NEK1: variants seen among roughly 807,000 people sequenced by gnomAD.
NEK1 encodes the protein NIMA related kinase 1, also known as serine/threonine-protein kinase Nek1.
Under a neutral mutation model 182.1 loss-of-function variants are expected in NEK1, and 137 were observed. That is an observed-to-expected ratio of 0.75 (90% CI 0.65 to 0.87). The LOEUF is 0.87. NEK1 is among the 40% of genes least tolerant of loss of function. The pLI is 0.00. For synonymous variants in NEK1, 513 were observed against 492.2 expected, an observed-to-expected ratio of 1.04 and a Z score of -0.56; for missense variants, 1,391 against 1,494.4, an observed-to-expected ratio of 0.93 and a Z score of 1.14.
intron 18 of NEK1, among the ~76,000 whole-genome samples, chr4:169,551,976 AG>A (rs1395586090): frequency 1.3e-5 from 2 of 152,130 alleles, no homozygotes; most frequent in East Asian, 3.8e-4. Flanking sequence ...ATTCAGCAAA[AG>A]AAAGAGTATT....
At chr4:169,523,540 C>T (rs1481808924) in intron 19 of NEK1, among the ~76,000 whole-genome samples, 2 of 152,148 alleles carry the variant, frequency 1.3e-5, no homozygotes, top group African/African-American at 4.8e-5. Context: ...GGAACAGATT[C>T]TCCCTCAAAG....
intron 26 of NEK1, among the ~76,000 whole-genome samples, chr4:169,471,667 G>C (rs1377744199): frequency 1.3e-5 from 2 of 152,198 alleles, no homozygotes; most frequent in Admixed American, 6.5e-5. Context: ...TGAGAGATCT[G>C]TTCCTCTCTT....
chr4:169,583,541 A>T (rs534200561), intron 10 of NEK1, among the ~76,000 whole-genome samples: 1 of 152,300 alleles, frequency 6.6e-6, no homozygotes, highest in Non-Finnish European at 1.5e-5. Context: ...TTCTTTTCAT[A>T]TTATAAGTTT....
intron 19 of NEK1, among the ~76,000 whole-genome samples, chr4:169,534,938 G>GT (rs1758222245): frequency 6.6e-6 from 1 of 152,176 alleles, no homozygotes; most frequent in African/African-American, 2.4e-5. Flanking sequence ...AACTGCTATT[G>GT]TAATTATATT....
chr4:169,425,255 C>T (rs915950485), intron 30 of NEK1, among the ~76,000 whole-genome samples: 30 of 151,976 alleles, frequency 2.0e-4, no homozygotes, highest in African/African-American at 6.0e-4. Flanking sequence ...AGTGAGACTA[C>T]GTCTCCACAA....
chr4:169,524,833 T>C (rs1029092291), intron 19 of NEK1, among the ~76,000 whole-genome samples: 25 of 152,372 alleles, frequency 1.6e-4, no homozygotes, highest in Admixed American at 7.8e-4. Context: ...CTAATTTCAG[T>C]GTCCATAAAC....
chr4:169,544,170 G>T (rs928989172), intron 18 of NEK1, among the ~76,000 whole-genome samples: 3 of 151,892 alleles, frequency 2.0e-5, no homozygotes, highest in African/African-American at 7.3e-5. Context: ...TTATTATTTG[G>T]AAAGTAGGGC....
In NEK1 at chr4:169,448,347, ATC is replaced by A. The variant is rs950812602; in HGVS notation, c.2588-10090_2588-10089del. Among the ~76,000 whole-genome samples the A allele has an allele frequency of 2.6e-4, 40 of 152,292 alleles. 1 individual carries two copies. Among genetic ancestry groups the A allele is most frequent in the African/African-American group, 9.6e-4 (40 of 41,570 alleles). On this transcript the variant is annotated intron_variant, in intron 27 of 35. Transcript: ENST00000507142. ...TTAGTTTTTTATTTGCTTGTTTGGT[ATC>A]TGTTTTTGCAATCACTGTTGTCATC...
At chr4:169,473,733 A>AAGAG (rs879860390) in intron 26 of NEK1, among the ~76,000 whole-genome samples, 1 of 150,854 alleles carries the variant, frequency 6.6e-6, no homozygotes, top group East Asian at 1.9e-4. Context: ...AAAAATACGA[A>AAGAG]AGAGAGAGAG....
chr4:169,472,252 G>C (rs1357817060), intron 26 of NEK1, among the ~76,000 whole-genome samples: 2 of 152,142 alleles, frequency 1.3e-5, no homozygotes. Context: ...TGATACCCAG[G>C]GCCCTGGTTG....
chr4:169,397,107 C>T (rs901089402), intron 35 of NEK1, among the ~76,000 whole-genome samples: 8 of 152,074 alleles, frequency 5.3e-5, no homozygotes, highest in Non-Finnish European at 1.2e-4. Context: ...GCCAGTAGTA[C>T]CAGTTACTCA....
At chr4:169,444,941 G>A (rs1413465858) in intron 27 of NEK1, among the ~76,000 whole-genome samples, 1 of 152,132 alleles carries the variant, frequency 6.6e-6, no homozygotes, top group Non-Finnish European at 1.5e-5. Flanking sequence ...AATCAATCAC[G>A]AGAGGAACTT....
chr4:169,570,957 T>C (rs1247447580), intron 12 of NEK1, among the ~76,000 whole-genome samples: 1 of 152,022 alleles, frequency 6.6e-6, no homozygotes, highest in Non-Finnish European at 1.5e-5. Context: ...AGATGTGCTT[T>C]GTTAAACAGA....
chr4:169,412,572 G>T (rs907916524), intron 31 of NEK1, among the ~76,000 whole-genome samples: 7 of 152,106 alleles, frequency 4.6e-5, no homozygotes, highest in South Asian at 2.1e-4. Context: ...TCAAAACAAA[G>T]CTAGATTTGG....
chr4:169,528,827 G>A (rs1313809486), intron 19 of NEK1, among the ~76,000 whole-genome samples: 1 of 152,022 alleles, frequency 6.6e-6, no homozygotes, highest in Non-Finnish European at 1.5e-5. Flanking sequence ...TTCCATTCAA[G>A]TACATGTGGA....
At chr4:169,504,739 T>C (rs1752953059) in intron 23 of NEK1, among the ~76,000 whole-genome samples, 1 of 152,076 alleles carries the variant, frequency 6.6e-6, no homozygotes, top group Non-Finnish European at 1.5e-5. Context: ...CTGGAAAGGG[T>C]AGTGCATGAA....
intron 20 of NEK1, 143 bp downstream of exon 20, chr4:169,508,626 G>A (rs1178374946): frequency 1.7e-6 from 1 of 571,682 alleles, no homozygotes; most frequent in African/African-American, 1.9e-5. Flanking sequence ...AACACAGAAT[G>A]TCAGTCAAAA....
intron 32 of NEK1, among the ~76,000 whole-genome samples, chr4:169,405,783 C>T (rs1179845202): frequency 6.6e-6 from 1 of 152,050 alleles, no homozygotes; most frequent in East Asian, 1.9e-4. Context: ...ACCTACAAGG[C>T]ATGTGGAAAC....
chr4:169,577,620 G>A (rs1405725719), intron 11 of NEK1, among the ~76,000 whole-genome samples: 1 of 152,076 alleles, frequency 6.6e-6, no homozygotes, highest in African/African-American at 2.4e-5. Flanking sequence ...CTGGGCTGGT[G>A]GTGGGCGCCT....
Sources: gnomAD v4.1 joint callset for allele counts (sites outside exome capture counted in the v4.1 genomes callset) on GRCh38, gnomAD v4.1.1 for gene constraint, MANE v1.5 for transcripts, NCBI Gene and HGNC (gene_info 2026-07-23, HGNC 2026-07-21) for gene names.